The following CNTN5 variants were observed in gnomAD, a reference collection of about 807,000 sequenced individuals.
The protein encoded by CNTN5 is contactin-5.
A neutral mutation model predicts 129.1 loss-of-function variants in CNTN5; 77 were observed. The observed-to-expected ratio is 0.60, with a 90% confidence interval of 0.50 to 0.72. The LOEUF (loss-of-function observed/expected upper bound fraction) is 0.72. Ranked by LOEUF, CNTN5 falls within the 30% of genes least tolerant of loss-of-function variation. CNTN5 has a pLI of 0.00. For synonymous variants in CNTN5, 509 were observed against 465.6 expected (o/e 1.09, Z -1.20); for missense variants, 1,478 against 1,328.8 (o/e 1.11, Z -1.75).
At chr11:100,130,228 C>A (rs953565528) in intron 13 of CNTN5, among the ~76,000 whole-genome samples, 2 of 152,072 alleles carry the variant, frequency 1.3e-5, no homozygotes, top group Non-Finnish European at 2.9e-5. Context: ...GAAAGCTTAC[C>A]TTTTATGTTT....
At chr11:99,964,411 A>G (rs1308159643) in intron 8 of CNTN5, among the ~76,000 whole-genome samples, 4 of 152,206 alleles carry the variant, frequency 2.6e-5, no homozygotes, top group Admixed American at 6.5e-5. Context: ...ATCTATTGTG[A>G]TAATCATGTG....
intron 3 of CNTN5, among the ~76,000 whole-genome samples, chr11:99,708,709 C>A (rs568635084): frequency 1.3e-5 from 2 of 151,794 alleles, no homozygotes; most frequent in Middle Eastern, 3.4e-3. Context: ...CTACTACTTG[C>A]AGCTAAAGGA....
chr11:99,676,762 G>A (rs1953305824), intron 3 of CNTN5, among the ~76,000 whole-genome samples: 1 of 151,890 alleles, frequency 6.6e-6, no homozygotes, highest in Non-Finnish European at 1.5e-5. Context: ...TTGCCACTGT[G>A]GAAAAATAAA....
Position 99,975,782 on chromosome 11 carries a change from G to A in CNTN5, c.877+18773G>A, listed in dbSNP as rs1355236960. Among the ~76,000 whole-genome samples, 4 of 151,998 alleles carry A rather than the reference G, an allele frequency of 2.6e-5. No individual in the cohort carries two copies. The South Asian group carries it at 8.3e-4, about 32-fold the overall frequency. ...ACAATTTGAGATGAGATTTGGATGG[G>A]GACACAGAGCCAAACCATATCATTC... On this transcript the variant is annotated intron_variant, in intron 8 of 24. Transcript: ENST00000524871.
intron 2 of CNTN5, among the ~76,000 whole-genome samples, chr11:99,330,284 G>A (rs192665305): frequency 2.3e-4 from 35 of 151,492 alleles, no homozygotes; most frequent in African/African-American, 8.0e-4. Context: ...GGGGAAGAGC[G>A]GGAAGGAGAG....
chr11:99,778,377 T>C (rs1015344107), intron 3 of CNTN5, among the ~76,000 whole-genome samples: 1 of 151,814 alleles, frequency 6.6e-6, no homozygotes, highest in Non-Finnish European at 1.5e-5. Context: ...CTGTTTTGTG[T>C]TTAGACTGTA....
At chr11:99,910,415 G>A (rs1453580) in intron 6 of CNTN5, among the ~76,000 whole-genome samples, 146,210 of 152,168 alleles carry the variant, frequency 0.96, 70,426 homozygotes, top group Non-Finnish European at 0.99. Context: ...ATGTATTAGA[G>A]AATGCTAATT....
chr11:99,029,371 G>A (rs1166995726), intron 1 of CNTN5, among the ~76,000 whole-genome samples: 3 of 151,882 alleles, frequency 2.0e-5, no homozygotes, highest in African/African-American at 7.2e-5. Flanking sequence ...AATCTGGTAT[G>A]TTTGATACCA....
chr11:100,327,982 G>A (rs147097903), intron 21 of CNTN5, among the ~76,000 whole-genome samples: 10 of 152,160 alleles, frequency 6.6e-5, no homozygotes, highest in African/African-American at 2.4e-4. Flanking sequence ...ACAACATTGA[G>A]TTAGCAGTGA....
At chr11:99,890,341 A>T (rs941287674) in intron 6 of CNTN5, among the ~76,000 whole-genome samples, 6 of 152,164 alleles carry the variant, frequency 3.9e-5, no homozygotes, top group Non-Finnish European at 8.8e-5. Flanking sequence ...ACTGAAGTAT[A>T]TATATCTCAG....
intron 2 of CNTN5, among the ~76,000 whole-genome samples, chr11:99,396,630 C>T (rs1234691520): frequency 1.3e-5 from 2 of 151,526 alleles, no homozygotes; most frequent in African/African-American, 4.8e-5. Context: ...AGTGAAAGAA[C>T]TAAAATTCTG....
intron 1 of CNTN5, among the ~76,000 whole-genome samples, chr11:99,040,269 A>T (rs1863936202): frequency 6.6e-6 from 1 of 152,134 alleles, no homozygotes; most frequent in South Asian, 2.1e-4. Flanking sequence ...TTGTCACTGT[A>T]TTTGTGTGTG....
chr11:99,561,841 G>T (rs74549250), intron 3 of CNTN5, among the ~76,000 whole-genome samples: 1 of 144,876 alleles, frequency 6.9e-6, no homozygotes, highest in African/African-American at 2.5e-5. Context: ...GATCTCATAA[G>T]AGAAAAAGAG....
intron 1 of CNTN5, among the ~76,000 whole-genome samples, chr11:99,287,589 G>T (rs1397675976): frequency 6.6e-6 from 1 of 151,896 alleles, no homozygotes; most frequent in Non-Finnish European, 1.5e-5. Flanking sequence ...GAATATAGAG[G>T]ATCAAAACAT....
chr11:100,265,043 T>C (rs1950274757), intron 17 of CNTN5, among the ~76,000 whole-genome samples: 1 of 151,800 alleles, frequency 6.6e-6, no homozygotes, highest in African/African-American at 2.4e-5. Context: ...TTTTGAGAAG[T>C]GTTTGCTCAT....
At chr11:99,558,296 A>T in intron 3 of CNTN5, 1 of 424,148 alleles carries the variant, frequency 2.4e-6, no homozygotes, top group Non-Finnish European at 4.8e-6. Context: ...AAGCCAACTG[A>T]AGGAGATGGA....
chr11:99,332,031 T>C (rs1182451805), intron 2 of CNTN5, among the ~76,000 whole-genome samples: 2 of 152,142 alleles, frequency 1.3e-5, no homozygotes, highest in Non-Finnish European at 2.9e-5. Flanking sequence ...CCACTCAAGA[T>C]GAGTTAATGA....
chr11:99,922,125 G>A (rs888194028), intron 7 of CNTN5, among the ~76,000 whole-genome samples: 2 of 152,190 alleles, frequency 1.3e-5, no homozygotes, highest in Admixed American at 1.3e-4. Context: ...TGGCTGGAGG[G>A]CCTCACAATT....
At chr11:100,097,408 A>G (rs1286776468) in intron 13 of CNTN5, among the ~76,000 whole-genome samples, 1 of 152,118 alleles carries the variant, frequency 6.6e-6, no homozygotes, top group African/African-American at 2.4e-5. Flanking sequence ...CCACAAGAAT[A>G]AAAGAGGTTA....
Sources: allele counts gnomAD v4.1 joint callset (sites outside exome capture counted in the v4.1 genomes callset), GRCh38; gene constraint gnomAD v4.1.1; transcripts MANE v1.5; gene names NCBI Gene and HGNC (gene_info 2026-07-23, HGNC 2026-07-21).